The following THUMPD2 variants were observed in gnomAD, a reference collection of about 807,000 sequenced individuals.
THUMPD2 encodes U6 snRNA (guanine-N(2))-methyltransferase THUMPD2.
THUMPD2 carries 56 observed loss-of-function variants against 49.4 expected under a neutral mutation model. The ratio of observed to expected loss-of-function variants is 1.13; its 90% CI spans 0.91 to 1.41. The LOEUF is 1.41. Among genes scored for constraint, THUMPD2 ranks in the 40% most tolerant of loss-of-function variants. The pLI is 0.00. For synonymous variants in THUMPD2, 237 were observed against 205.2 expected, an observed-to-expected ratio of 1.15 and a Z score of -1.32; for missense variants, 709 against 594.5, an observed-to-expected ratio of 1.19 and a Z score of -2.00.
chr2:39,766,026 AT>A (rs1454660546), intron 5 of THUMPD2, 30 bp downstream of exon 5: 1 of 1,548,906 alleles, frequency 6.5e-7, no homozygotes, highest in African/African-American at 1.4e-5. Flanking sequence ...CATCTGTCTT[AT>A]GGGACAAACC....
intron 9 of THUMPD2, among the ~76,000 whole-genome samples, chr2:39,737,799 C>T (rs893824008): frequency 2.0e-5 from 3 of 152,032 alleles, no homozygotes; most frequent in African/African-American, 2.4e-5. Context: ...CGACGGCAAG[C>T]GGCTGCAGCA....
chr2:39,763,280 C>T (rs760728923), intron 5 of THUMPD2, among the ~76,000 whole-genome samples: 24 of 151,722 alleles, frequency 1.6e-4, no homozygotes, highest in Non-Finnish European at 3.4e-4. Context: ...CAAATATGTG[C>T]TTGAACATTT....
intron 8 of THUMPD2, among the ~76,000 whole-genome samples, chr2:39,746,316 G>A (rs1674584255): frequency 6.6e-6 from 1 of 152,146 alleles, no homozygotes; most frequent in African/African-American, 2.4e-5. Flanking sequence ...GGTTCTCAAA[G>A]TGTGGTCCCC....
chr2:39,775,736 C>A (rs1170322359), intron 1 of THUMPD2, among the ~76,000 whole-genome samples: 1 of 132,392 alleles, frequency 7.6e-6, no homozygotes, highest in Admixed American at 9.0e-5. Context: ...GCACTCCAGC[C>A]TGGGCGACAG....
chr2:39,769,797 T>A lies in THUMPD2; in HGVS notation c.585A>T (p.Lys195Asn). 1 of 1,609,732 alleles carries A rather than the reference T, an allele frequency of 6.2e-7. No homozygotes were observed. The highest frequency in any genetic ancestry group is 8.5e-7 in the Non-Finnish European group (1 of 1,178,888). ...QEEEFQNDIE[K>N]AIDTHNQNDL... ...CATTCTGATTATGAGTATCAATTGC[T>A]TTCTCTATGTCATTCTGAAATTCTT... Residue 195 changes from lysine to asparagine, a missense_variant, in exon 3 of 10, where the codon AAA becomes AAT. Transcript: ENST00000505747.
At chr2:39,770,732 A>G (rs1459564619) in intron 2 of THUMPD2, among the ~76,000 whole-genome samples, 1 of 152,148 alleles carries the variant, frequency 6.6e-6, no homozygotes, top group African/African-American at 2.4e-5. Context: ...GAATGTGTGT[A>G]GAGTACTAGG....
At chr2:39,748,263 G>A (rs1270029507) in intron 8 of THUMPD2, among the ~76,000 whole-genome samples, 1 of 152,192 alleles carries the variant, frequency 6.6e-6, no homozygotes, top group Non-Finnish European at 1.5e-5. Context: ...CACTTTGGCT[G>A]ATTTACAGAG....
At chr2:39,755,204 C>G (rs906267585) in intron 8 of THUMPD2, 91 bp downstream of exon 8, 8 of 858,734 alleles carry the variant, frequency 9.3e-6, no homozygotes, top group Non-Finnish European at 1.4e-5. Context: ...GTAAAACCAA[C>G]CTTTACATAG....
intron 9 of THUMPD2, among the ~76,000 whole-genome samples, chr2:39,743,279 A>G (rs1054717265): frequency 9.2e-5 from 14 of 152,204 alleles, no homozygotes; most frequent in Non-Finnish European, 1.9e-4. Context: ...ATGTCCATTC[A>G]TAACTGTATG....
intron 1 of THUMPD2, among the ~76,000 whole-genome samples, chr2:39,772,133 G>C (rs1489215982): frequency 2.0e-5 from 3 of 152,174 alleles, no homozygotes; most frequent in Non-Finnish European, 4.4e-5. Context: ...AGAGTCTTGG[G>C]AAAGAATCCT....
At chr2:39,774,723 C>T (rs75389853) in intron 1 of THUMPD2, among the ~76,000 whole-genome samples, 5,921 of 152,198 alleles carry the variant, frequency 0.039, 165 homozygotes, top group African/African-American at 0.063. Flanking sequence ...ATATTTAATA[C>T]AACACTCAGA....
intron 9 of THUMPD2, 69 bp downstream of exon 9, chr2:39,744,301 G>A: frequency 1.2e-6 from 1 of 818,814 alleles, no homozygotes. Flanking sequence ...CTTAACTGAA[G>A]AGCTATGATG....
intron 4 of THUMPD2, among the ~76,000 whole-genome samples, chr2:39,766,698 C>T (rs1021562220): frequency 6.6e-6 from 1 of 152,096 alleles, no homozygotes; most frequent in Non-Finnish European, 1.5e-5. Flanking sequence ...ACTTTTGTAG[C>T]CTGATAAGGT....
At chr2:39,761,292 G>A in intron 6 of THUMPD2, 39 bp downstream of exon 6, 1 of 1,557,312 alleles carries the variant, frequency 6.4e-7, no homozygotes, top group Non-Finnish European at 8.9e-7. Flanking sequence ...ATTATGAAAA[G>A]AACCTTGCTA....
chr2:39,764,417 T>A (rs935440626), intron 5 of THUMPD2, among the ~76,000 whole-genome samples: 4 of 152,222 alleles, frequency 2.6e-5, no homozygotes, highest in Admixed American at 2.6e-4. Flanking sequence ...AGTCCACAGT[T>A]CTTATCTGCT....
chr2:39,737,009 T>C lies in THUMPD2; in HGVS notation c.1238A>G (p.His413Arg), dbSNP rs1204215144. The C allele has an allele frequency of 3.7e-6, 6 of 1,614,038 alleles. No homozygotes were observed. Among genetic ancestry groups the C allele is most frequent in the Non-Finnish European group, 3.4e-6 (4 of 1,179,982 alleles). ...CTCTTTACAATCTGTAAGGCGCCTG[T>C]GGTGATCTTCACTAAGCAACAATAC... The part of the protein sequence containing the change: ...TIVLLLSEDH[H>R]RRLTDCKESN... The change falls in exon 10 of 10, where the codon CAC (histidine) becomes CGC (arginine). Residue 413 changes from histidine to arginine, a missense_variant. His to Arg is a conservative substitution (Grantham distance 29). Coordinates refer to ENST00000505747, the MANE Select transcript of THUMPD2 (RefSeq NM_025264.5).
At chr2:39,771,350 A>G (rs115447739) in intron 2 of THUMPD2, among the ~76,000 whole-genome samples, 155 bp downstream of exon 2, 3,783 of 152,240 alleles carry the variant, frequency 0.025, 64 homozygotes, top group Non-Finnish European at 0.038. Flanking sequence ...CAATCAGGTG[A>G]TAATATTCAG....
At chr2:39,742,999 G>A (rs17024292) in intron 9 of THUMPD2, among the ~76,000 whole-genome samples, 3,570 of 152,210 alleles carry the variant, frequency 0.023, 133 homozygotes, top group African/African-American at 0.081. Context: ...TGGGTAGCAG[G>A]GAAAGTTGCT....
intron 8 of THUMPD2, among the ~76,000 whole-genome samples, chr2:39,753,926 A>G (rs1034410401): frequency 6.6e-6 from 1 of 152,200 alleles, no homozygotes; most frequent in Non-Finnish European, 1.5e-5. Context: ...AGATTTATGC[A>G]GTTACCTGGT....
Sources: allele counts gnomAD v4.1 joint callset (sites outside exome capture counted in the v4.1 genomes callset), GRCh38; gene constraint gnomAD v4.1.1; transcripts MANE v1.5; gene names NCBI Gene and HGNC (gene_info 2026-07-23, HGNC 2026-07-21).